The following PLA2R1 variants were observed in gnomAD, a reference collection of about 807,000 sequenced individuals.
PLA2R1 encodes the protein phospholipase A2 receptor 1.
In PLA2R1, 158 loss-of-function variants were observed where a neutral mutation model predicts 195.9. The ratio of observed to expected loss-of-function variants is 0.81; its 90% CI spans 0.71 to 0.92. PLA2R1 has a LOEUF of 0.92. PLA2R1 is among the 40% of genes least tolerant of loss of function. The pLI, the probability that PLA2R1 is intolerant of heterozygous loss-of-function variation, is 0.00. For synonymous variants in PLA2R1, 586 were observed against 598.2 expected, an observed-to-expected ratio of 0.98 and a Z score of 0.30; for missense variants, 1,626 against 1,764.6, an observed-to-expected ratio of 0.92 and a Z score of 1.41.
chr2:160,022,225 A>C (rs1040185106), intron 7 of PLA2R1, among the ~76,000 whole-genome samples: 1 of 152,180 alleles, frequency 6.6e-6, no homozygotes, highest in African/African-American at 2.4e-5. Context: ...TACATGGGGA[A>C]CAGTCTGAAC....
At position 159,994,440 on chromosome 2, in the gene PLA2R1, T is replaced by C. The variant is rs577929772; in HGVS notation, c.1835-7082A>G. On this transcript the variant is annotated intron_variant, in intron 11 of 29. Coordinates refer to ENST00000283243, the MANE Select transcript of PLA2R1 (RefSeq NM_007366.5). ...TTTGGATCTTGATTCAAACTAACTGTAAAATACATTATGTAATATTTATGA... is the reference window on the plus strand; with the variant it reads ...TTTGGATCTTGATTCAAACTAACTGCAAAATACATTATGTAATATTTATGA... Among the ~76,000 whole-genome samples, 33 of 152,182 alleles carry C rather than the reference T, an allele frequency of 2.2e-4. No homozygotes were observed. The South Asian group carries it at 6.8e-3, about 32-fold the overall frequency.
At chr2:159,976,369 T>C in intron 16 of PLA2R1, 144 bp from the exon 17 acceptor site, 2 of 619,448 alleles carry the variant, frequency 3.2e-6, no homozygotes, top group Admixed American at 3.2e-5. Flanking sequence ...CAGACACATA[T>C]GCACATAAAT....
intron 1 of PLA2R1, among the ~76,000 whole-genome samples, chr2:160,047,387 C>A (rs1237332470): frequency 1.3e-5 from 2 of 152,208 alleles, no homozygotes; most frequent in African/African-American, 4.8e-5. Context: ...GATTCTTGGT[C>A]TATAGATCCA....
chr2:160,007,647 C>T (rs940451702), intron 10 of PLA2R1, among the ~76,000 whole-genome samples: 4 of 148,436 alleles, frequency 2.7e-5, no homozygotes, highest in Non-Finnish European at 1.5e-5. Flanking sequence ...TGGGAATAAA[C>T]TACACAAAGA....
At chr2:160,049,407 C>T (rs533093019) in intron 1 of PLA2R1, among the ~76,000 whole-genome samples, 15 of 152,308 alleles carry the variant, frequency 9.8e-5, no homozygotes, top group African/African-American at 3.1e-4. Flanking sequence ...ATGCCAGCTA[C>T]TTCATAGACA....
In PLA2R1 at chr2:159,935,281, A is replaced by C. The variant is rs1394970136; in HGVS notation, c.*6497T>G. The C allele has an allele frequency of 6.6e-6, 1 of 152,224 alleles. No individual in the cohort carries two copies. Among genetic ancestry groups the C allele is most frequent in the Non-Finnish European group, 1.5e-5 (1 of 68,034 alleles). The allele number at this position is 152,224 out of a possible 1,614,324, so 9.4% of individuals were successfully genotyped here. On this transcript the variant is annotated 3_prime_UTR_variant, in exon 30 of 30. Coordinates refer to ENST00000283243, the MANE Select transcript of PLA2R1 (RefSeq NM_007366.5). ...GAAAATACTCTAAGGTTATGCAAAT[A>C]TTCTGTTTTTCCTCAAACATTCACC... is the stretch of plus-strand genomic sequence containing the variant.
At chr2:159,974,979 T>C (rs1231143880) in intron 17 of PLA2R1, among the ~76,000 whole-genome samples, 5 of 152,158 alleles carry the variant, frequency 3.3e-5, no homozygotes, top group African/African-American at 9.7e-5. Flanking sequence ...AAAAAGATGA[T>C]AGAGTTAGAA....
At chr2:159,968,410 A>G (rs1358044181) in intron 19 of PLA2R1, among the ~76,000 whole-genome samples, 1 of 152,168 alleles carries the variant, frequency 6.6e-6, no homozygotes, top group Non-Finnish European at 1.5e-5. Context: ...TTTTGAAGGA[A>G]GGGCTGGAAT....
intron 27 of PLA2R1, chr2:159,946,518 A>G: frequency 9.2e-7 from 1 of 1,091,466 alleles, no homozygotes; most frequent in East Asian, 7.1e-5. Context: ...TGCAATGACT[A>G]AGTCTGTGAA....
At chr2:160,048,866 A>G in intron 1 of PLA2R1, among the ~76,000 whole-genome samples, 1 of 141,448 alleles carries the variant, frequency 7.1e-6, no homozygotes, top group Admixed American at 7.1e-5. Context: ...TTTGAGACAG[A>G]GTCTCGCTCT....
intron 10 of PLA2R1, among the ~76,000 whole-genome samples, chr2:160,010,949 G>A (rs1692318292): frequency 6.6e-6 from 1 of 152,134 alleles, no homozygotes; most frequent in African/African-American, 2.4e-5. Context: ...GGGCTTGGCG[G>A]GTGACCAGGC....
intron 26 of PLA2R1, 76 bp downstream of exon 26, chr2:159,947,343 A>G: frequency 8.0e-7 from 1 of 1,256,820 alleles, no homozygotes; most frequent in East Asian, 2.4e-5. Context: ...TGGGATGAAT[A>G]AAGAAATCCA....
At chr2:160,042,258 T>G (rs755006998) in intron 2 of PLA2R1, 60 bp from the exon 3 acceptor site, 58 of 1,465,948 alleles carry the variant, frequency 4.0e-5, no homozygotes, top group Non-Finnish European at 5.2e-5. Context: ...CTTTGGAAAC[T>G]GCTATATATC....
intron 20 of PLA2R1, among the ~76,000 whole-genome samples, chr2:159,964,306 G>C (rs922509424): frequency 1.3e-5 from 2 of 152,186 alleles, no homozygotes; most frequent in African/African-American, 4.8e-5. Flanking sequence ...TGGAAATAGA[G>C]ATGATGGTTG....
intron 6 of PLA2R1, among the ~76,000 whole-genome samples, chr2:160,024,823 A>AT (rs1309591636): frequency 6.6e-6 from 1 of 151,954 alleles, no homozygotes; most frequent in Non-Finnish European, 1.5e-5. Context: ...CTGCTGAGGC[A>AT]CCCCACCTTC....
At chr2:159,947,704 TA>T (rs1687474827) in intron 25 of PLA2R1, 145 bp from the exon 26 acceptor site, 1 of 778,988 alleles carries the variant, frequency 1.3e-6, no homozygotes, top group East Asian at 2.7e-5. Flanking sequence ...GGGTTTCATG[TA>T]AATGATTATA....
chr2:159,941,766 C>A lies in PLA2R1; in HGVS notation c.*12G>T, dbSNP rs756592979. 2.1e-6 allele frequency: 3 copies of A among 1,451,104 alleles called. No homozygotes were observed. The highest frequency in any genetic ancestry group is 3.4e-5 in the Admixed American group (2 of 59,232). The allele number at this position is 1,451,104 out of a possible 1,614,324, so 89.9% of individuals were successfully genotyped here. On this transcript the variant is annotated 3_prime_UTR_variant, in exon 30 of 30. Coordinates refer to ENST00000283243, the MANE Select transcript of PLA2R1 (RefSeq NM_007366.5). ...CTTACCCTGGTGTCTGTGGCATTCTCTGACCTCATTATTATTGGTCACTCT... is the reference window on the plus strand; with the variant it reads ...CTTACCCTGGTGTCTGTGGCATTCTATGACCTCATTATTATTGGTCACTCT...
At chr2:159,964,701 C>CTT (rs113758376) in intron 20 of PLA2R1, among the ~76,000 whole-genome samples, 12 of 151,698 alleles carry the variant, frequency 7.9e-5, no homozygotes, top group African/African-American at 2.9e-4. Flanking sequence ...CATGGCAACC[C>CTT]TTTTTTTTAA....
At chr2:160,042,973 AC>A (rs766391853) in intron 2 of PLA2R1, among the ~76,000 whole-genome samples, 2 of 151,890 alleles carry the variant, frequency 1.3e-5, no homozygotes, top group Non-Finnish European at 2.9e-5. Context: ...GAACTGGGTG[AC>A]CTGAGAGTGC....
Sources: gnomAD v4.1 joint callset for allele counts (sites outside exome capture counted in the v4.1 genomes callset) on GRCh38, gnomAD v4.1.1 for gene constraint, MANE v1.5 for transcripts, NCBI Gene and HGNC (gene_info 2026-07-23, HGNC 2026-07-21) for gene names.